USP1: variants seen among roughly 807,000 people sequenced by gnomAD.
USP1 encodes ubiquitin specific peptidase 1.
A neutral mutation model predicts 72.2 loss-of-function variants in USP1; 18 were observed. The ratio of observed to expected loss-of-function variants is 0.25; its 90% CI spans 0.17 to 0.37. The LOEUF is 0.37. USP1 is among the 10% of genes least tolerant of loss of function. USP1 has a pLI of 1.00. For synonymous variants in USP1, 354 were observed against 303.7 expected (o/e 1.17, Z -1.72); for missense variants, 759 against 884.9 (o/e 0.86, Z 1.81).
At position 62,441,484 on chromosome 1, in the gene USP1, A is replaced by T. The variant is rs372366276; in HGVS notation, c.171-4A>T. On this transcript the variant is annotated splice_region_variant and splice_polypyrimidine_tract_variant and intron_variant, in intron 2 of 8. Transcript: ENST00000339950. ...CTTATCGTTCTCCCTTCTATATTTC[A>T]TAGTGATCAAGTTGTTCCTGCAGCA... 1 of 1,599,376 alleles carries T rather than the reference A, an allele frequency of 6.3e-7. No homozygotes were observed. Among genetic ancestry groups the T allele is most frequent in the South Asian group, 1.1e-5 (1 of 87,842 alleles).
At chr1:62,437,674 C>A (rs1050438446) in intron 1 of USP1, among the ~76,000 whole-genome samples, 28 of 152,226 alleles carry the variant, frequency 1.8e-4, no homozygotes, top group African/African-American at 6.8e-4. Context: ...CCAGCCTCCC[C>A]CGACCGGGCA....
Position 62,443,272 on chromosome 1 carries a change from T to C in USP1, c.510T>C (p.Tyr170=), listed in dbSNP as rs759629620. The C allele has an allele frequency of 3.7e-6, 6 of 1,613,862 alleles. No homozygotes were observed. The highest frequency in any genetic ancestry group is 2.2e-5 in the East Asian group (1 of 44,868). The change falls in exon 5 of 9, where the codon TAT becomes TAC. Residue 170 remains tyrosine (Y), a synonymous_variant. Transcript: ENST00000339950. The part of the protein sequence containing the change: ...QASFLLNPEK[Y]TDELATQPRR... ...GTTTTCTCTTAAATCCAGAGAAATA[T>C]ACTGATGAACTTGCCACTCAGCCAA...
chr1:62,448,007 C>T (rs536699735), intron 7 of USP1, among the ~76,000 whole-genome samples: 1 of 152,242 alleles, frequency 6.6e-6, no homozygotes, highest in East Asian at 1.9e-4. Context: ...AGGATGGTCT[C>T]AATCTCCTGA....
intron 5 of USP1, among the ~76,000 whole-genome samples, chr1:62,444,260 C>CAAAAAAAAAAA (rs34522182): frequency 8.3e-5 from 6 of 72,412 alleles, no homozygotes; most frequent in East Asian, 4.2e-4. Flanking sequence ...CCCTTGTCTC[C>CAAAAAAAAAAA]AAAAAAAAAA....
chr1:62,438,682 T>C (rs1016903909), intron 1 of USP1, among the ~76,000 whole-genome samples: 12 of 152,088 alleles, frequency 7.9e-5, no homozygotes, highest in African/African-American at 2.7e-4. Context: ...GTAGAAAATA[T>C]TAACTCCTAC....
At chr1:62,437,915 CATCTT>C (rs1201461546) in intron 1 of USP1, among the ~76,000 whole-genome samples, 2 of 152,182 alleles carry the variant, frequency 1.3e-5, no homozygotes, top group African/African-American at 2.4e-5. Context: ...CGAGTCGTGT[CATCTT>C]ATAAAGAATT....
Position 62,450,638 on chromosome 1 carries a change from A to G in USP1, c.2015A>G (p.Gln672Arg), listed in dbSNP as rs1645208768. The G allele has an allele frequency of 1.9e-6, 3 of 1,614,042 alleles. No homozygotes were observed. In the South Asian group the frequency reaches 3.3e-5, roughly 18 times the overall value. The change falls in exon 9 of 9, where the codon CAA (glutamine) becomes CGA (arginine). Residue 672 changes from glutamine (Q) to arginine (R), a missense_variant. By Grantham distance (43) the Gln-to-Arg change is conservative. This residue lies in a region of USP1 where 159 missense variants were observed against 140.9 expected (regional missense o/e 1.13). Coordinates refer to ENST00000339950, the MANE Select transcript of USP1 (RefSeq NM_003368.5). Reference sequence around the variant, plus strand: ...GAAGCTATTGGACTTCTTGGAGGACAAAAGAGCAAAGCAGATTATGAGCTA... The same window carrying G: ...GAAGCTATTGGACTTCTTGGAGGACGAAAGAGCAAAGCAGATTATGAGCTA... The part of the protein sequence containing the change: ...NVEAIGLLGG[Q>R]KSKADYELYN...
rs1645214120 is a variant in USP1 at position 62,451,146 on chromosome 1, T to A, written c.*165T>A. 1 of 730,876 alleles carries A rather than the reference T, an allele frequency of 1.4e-6. No individual in the cohort carries two copies. Among genetic ancestry groups the A allele is most frequent in the Non-Finnish European group, 2.0e-6 (1 of 499,980 alleles). The allele number at this position is 730,876 out of a possible 1,614,324, so 45.3% of individuals were successfully genotyped here. ...AAATTTGAATTACTGAAAACCATGTTAATTTTTAGAACTCATTTTCCTCAG... is the reference window on the plus strand; with the variant it reads ...AAATTTGAATTACTGAAAACCATGTAAATTTTTAGAACTCATTTTCCTCAG... On this transcript the variant is annotated 3_prime_UTR_variant, in exon 9 of 9. Coordinates refer to ENST00000339950, the MANE Select transcript of USP1 (RefSeq NM_003368.5).
intron 5 of USP1, 46 bp from the exon 6 acceptor site, chr1:62,444,692 G>A (rs1304539684): frequency 3.4e-5 from 49 of 1,421,808 alleles, no homozygotes; most frequent in Admixed American, 5.2e-5. Context: ...TTTATGTACT[G>A]TATCTTCAAA....
chr1:62,438,896 A>G (rs1049437612), intron 1 of USP1, among the ~76,000 whole-genome samples: 1 of 152,228 alleles, frequency 6.6e-6, no homozygotes, highest in Non-Finnish European at 1.5e-5. Context: ...TGCATCGAAC[A>G]GTTTTTTTTA....
intron 5 of USP1, 51 bp from the exon 6 acceptor site, chr1:62,444,687 G>T: frequency 2.2e-6 from 3 of 1,381,858 alleles, no homozygotes; most frequent in Non-Finnish European, 2.9e-6. Flanking sequence ...TAGGCTTTAT[G>T]TACTGTATCT....
chr1:62,444,706 A>G (rs1379759768), intron 5 of USP1, 32 bp from the exon 6 acceptor site: 3 of 1,479,888 alleles, frequency 2.0e-6, no homozygotes, highest in South Asian at 1.5e-5. Flanking sequence ...CTTCAAAACT[A>G]GAATAGATGA....
chr1:62,444,399 T>A (rs1645155546), intron 5 of USP1, among the ~76,000 whole-genome samples: 1 of 152,098 alleles, frequency 6.6e-6, no homozygotes, highest in Non-Finnish European at 1.5e-5. Context: ...TATCTGTCAG[T>A]AATGGTGATA....
upstream of USP1, chr1:62,436,852 G>C (rs1254167502): frequency 2.0e-5 from 7 of 354,182 alleles, no homozygotes; most frequent in African/African-American, 1.5e-4. Flanking sequence ...TGTGGAACCC[G>C]TTAGGCTTTT....
At position 62,445,218 on chromosome 1, in the gene USP1, T is replaced by A; in HGVS notation, c.1038T>A (p.Thr346=). 5 of 1,612,134 alleles carry A rather than the reference T, an allele frequency of 3.1e-6. No individual in the cohort carries two copies. The highest frequency in any genetic ancestry group is 4.2e-6 in the Non-Finnish European group (5 of 1,179,548). The part of the protein sequence containing the change: ...RVKINWLKSA[T]KQPSILSKFC... ...AAATAAATTGGTTAAAGTCTGCAAC[T>A]AAGCAACCCAGCATTCTTTCTAAAT... is the stretch of plus-strand genomic sequence containing the variant. The change falls in exon 6 of 9, where the codon ACT becomes ACA. Residue 346 remains threonine (T), a synonymous_variant. Transcript: ENST00000339950.
chr1:62,441,062 T>C (rs1645131292), intron 2 of USP1, among the ~76,000 whole-genome samples: 1 of 152,104 alleles, frequency 6.6e-6, no homozygotes, highest in South Asian at 2.1e-4. Flanking sequence ...CTTCACAGAC[T>C]TTCTTTCCTC....
At chr1:62,445,934 A>T (rs1215688385) in intron 6 of USP1, among the ~76,000 whole-genome samples, 1 of 152,088 alleles carries the variant, frequency 6.6e-6, no homozygotes, top group Admixed American at 6.6e-5. Context: ...AGCCAATATT[A>T]TGCCACTGCA....
At chr1:62,446,220 G>GT (rs1557557005) in intron 6 of USP1, among the ~76,000 whole-genome samples, 1 of 152,010 alleles carries the variant, frequency 6.6e-6, no homozygotes, top group South Asian at 2.1e-4. Flanking sequence ...ATGCTAGAGC[G>GT]TACTACACAA....
In USP1 at chr1:62,441,537, A is replaced by G. The variant is rs1645134617; in HGVS notation, c.220A>G (p.Arg74Gly). Residue 74 changes from arginine (R) to glycine (G), a missense_variant, in exon 3 of 9, where the codon AGA becomes GGA. By Grantham distance (125) the Arg-to-Gly change is moderately radical (BLOSUM62 -2). Coordinates refer to ENST00000339950, the MANE Select transcript of USP1 (RefSeq NM_003368.5). ...GTCTTCACCTATAAACTGTGAGAAGAGAGAAAACTTGTTACCATTTGTGGG... is the reference window on the plus strand; with the variant it reads ...GTCTTCACCTATAAACTGTGAGAAGGGAGAAAACTTGTTACCATTTGTGGG... ...AQSSPINCEK[R>G]ENLLPFVGLN... The G allele has an allele frequency of 6.2e-7, 1 of 1,613,714 alleles. No individual in the cohort carries two copies. Among genetic ancestry groups the G allele is most frequent in the African/African-American group, 1.3e-5 (1 of 75,028 alleles).
Sources: allele counts gnomAD v4.1 joint callset (sites outside exome capture counted in the v4.1 genomes callset), GRCh38; gene constraint gnomAD v4.1.1; regional missense constraint gnomAD v4.1.1; transcripts MANE v1.5; gene names NCBI Gene and HGNC (gene_info 2026-07-23, HGNC 2026-07-21).